The following PNLIPRP1 variants were observed in gnomAD, a reference collection of about 807,000 sequenced individuals.
The protein encoded by PNLIPRP1 is inactive pancreatic lipase-related protein 1.
In PNLIPRP1, 57 loss-of-function variants were observed where a neutral mutation model predicts 54.6. That is an observed-to-expected ratio of 1.04 (90% confidence interval 0.84 to 1.30). The LOEUF (loss-of-function observed/expected upper bound fraction) is 1.30. Ranked by LOEUF, PNLIPRP1 falls within the 50% of genes most tolerant of loss-of-function variation. The pLI is 0.00. For synonymous variants in PNLIPRP1, 232 were observed against 208.8 expected (o/e 1.11, Z -0.96); for missense variants, 567 against 568.5 (o/e 1.00, Z 0.03).
At chr10:116,600,214 C>T (rs782659758) in intron 9 of PNLIPRP1, 49 bp downstream of exon 9, 5 of 1,142,264 alleles carry the variant, frequency 4.4e-6, no homozygotes, top group African/African-American at 1.5e-5. Flanking sequence ...CTCTGAGGGA[C>T]TGCTGTCCTG....
At chr10:116,592,132 C>T (rs1178046015) in intron 3 of PNLIPRP1, 1 of 637,414 alleles carries the variant, frequency 1.6e-6, no homozygotes. Context: ...TTTGCCAGAA[C>T]CTCTAGCTAC....
rs999418123 is a variant in PNLIPRP1, at chr10:116,590,964, G to A, written c.-32G>A. 2.5e-5 allele frequency: 15 copies of A among 593,486 alleles called. No homozygotes were observed. The highest frequency in any genetic ancestry group is 5.6e-5 in the Admixed American group (2 of 35,698). The allele number at this position is 593,486 out of a possible 1,614,324, so 36.8% of individuals were successfully genotyped here. ...TTAGAAAGGGCTGGACACTCGATCC[G>A]GTGGGAGGGAACATCTGGAACATTA... On this transcript the variant is annotated 5_prime_UTR_variant, in exon 1 of 13. Coordinates refer to ENST00000358834, the MANE Select transcript of PNLIPRP1 (RefSeq NM_006229.4).
At chr10:116,606,862 G>C (rs1847943924) in intron 12 of PNLIPRP1, among the ~76,000 whole-genome samples, 1 of 152,172 alleles carries the variant, frequency 6.6e-6, no homozygotes, top group Non-Finnish European at 1.5e-5. Flanking sequence ...GCTCCAGAAA[G>C]ACTCTTTCTT....
At position 116,605,465 on chromosome 10, in the gene PNLIPRP1, T is replaced by C; in HGVS notation, c.1252T>C (p.Phe418Leu). Residue 418 changes from phenylalanine (F) to leucine (L), a missense_variant, in exon 12 of 13, where the codon TTT becomes CTT. Coordinates refer to ENST00000358834, the MANE Select transcript of PNLIPRP1 (RefSeq NM_006229.4). Reference protein sequence around the residue: ...LDVGTIEKVKFLWNNNVINPT... With the variant: ...LDVGTIEKVKLLWNNNVINPT... ...TGTTGGAACAATTGAGAAAGTCAAG[T>C]TTCTTTGGAATAACAATGTGATAAA... 1 of 1,612,154 alleles carries C rather than the reference T, an allele frequency of 6.2e-7. No individual in the cohort carries two copies. Among genetic ancestry groups the C allele is most frequent in the South Asian group, 1.1e-5 (1 of 90,878 alleles).
At chr10:116,600,853 G>T (rs1168317773) in intron 9 of PNLIPRP1, among the ~76,000 whole-genome samples, 2 of 152,204 alleles carry the variant, frequency 1.3e-5, no homozygotes, top group South Asian at 4.1e-4. Context: ...CTGGGCATCA[G>T]TATTTTTTAA....
rs1554863441 is a variant in PNLIPRP1, at chr10:116,592,814, A to T, written c.330+273A>T. 6 of 476,058 alleles carry T rather than the reference A, an allele frequency of 1.3e-5. 1 individual carries two copies. The highest frequency in any genetic ancestry group is 1.1e-4 in the South Asian group (6 of 53,012). 29.5% of individuals were successfully genotyped at this position (476,058 alleles called of 1,614,324 possible). A position where few individuals can be genotyped will look rare whatever the true frequency, so the allele number is the denominator to read the frequency against. ...TTCTGCTTCCATTTGTAGTGAGGGTACTTTGTATCCTATAAGCGAGGGACT... is the reference window on the plus strand; with the variant it reads ...TTCTGCTTCCATTTGTAGTGAGGGTTCTTTGTATCCTATAAGCGAGGGACT... On this transcript the variant is annotated intron_variant, in intron 4 of 12. Coordinates refer to ENST00000358834, the MANE Select transcript of PNLIPRP1 (RefSeq NM_006229.4).
Position 116,609,092 on chromosome 10 carries a change from G to C in PNLIPRP1, c.1380G>C (p.Thr460=). The change falls in exon 13 of 13, where the codon ACG becomes ACC. Residue 460 remains threonine (T), a synonymous_variant. Transcript: ENST00000358834. ...GCGAAGACACAGTGCGGGAAGACAC[G>C]CTGCTCACCCTCACGCCCTGCTAAG... ...FCSEDTVRED[T]LLTLTPC 1 of 1,613,164 alleles carries C rather than the reference G, an allele frequency of 6.2e-7. No individual in the cohort carries two copies. The highest frequency in any genetic ancestry group is 8.5e-7 in the Non-Finnish European group (1 of 1,179,424).
In PNLIPRP1 at chr10:116,597,129, G is replaced by C. The variant is rs963872479; in HGVS notation, c.575-699G>C. Among the ~76,000 whole-genome samples the C allele has an allele frequency of 3.3e-5, 5 of 152,184 alleles. No individual in the cohort carries two copies. In the East Asian group the frequency reaches 9.6e-4, roughly 29 times the overall value. On this transcript the variant is annotated intron_variant, in intron 6 of 12. Coordinates refer to ENST00000358834, the MANE Select transcript of PNLIPRP1 (RefSeq NM_006229.4). ...ATTTTCAGCTGGCAACTACATTCAC[G>C]TTCCTATTTTATCAGCTGCTGTAAT...
intron 4 of PNLIPRP1, among the ~76,000 whole-genome samples, chr10:116,593,580 C>T (rs1847679483): frequency 6.6e-6 from 1 of 152,206 alleles, no homozygotes; most frequent in East Asian, 1.9e-4. Flanking sequence ...CTTTCCTGTC[C>T]TATCATTAAT....
At chr10:116,599,211 T>C (rs1370622713) in intron 8 of PNLIPRP1, among the ~76,000 whole-genome samples, 2 of 144,136 alleles carry the variant, frequency 1.4e-5, no homozygotes, top group African/African-American at 5.0e-5. Flanking sequence ...GCCGAGACCA[T>C]GCCATTGCAC....
chr10:116,596,228 C>G lies in PNLIPRP1; in HGVS notation c.480C>G (p.Tyr160Ter), dbSNP rs567967520. 1 of 1,610,216 alleles carries G rather than the reference C, an allele frequency of 6.2e-7. No homozygotes were observed. The highest frequency in any genetic ancestry group is 1.3e-5 in the African/African-American group (1 of 74,812). Residue 160 changes from tyrosine (Y) to a stop codon, truncating the protein, a stop_gained, in exon 6 of 13, where the codon TAC (tyrosine) becomes TAG (stop). Coordinates refer to ENST00000358834, the MANE Select transcript of PNLIPRP1 (RefSeq NM_006229.4). LOFTEE classifies it high-confidence loss of function. ...TCCCTCTCCAGACAGAGTATAGCTA[C>G]CCCCCTTCCAAAGTTCACCTCATTG... ...MLDILLTEYS[Y>*]PPSKVHLIGH...
At chr10:116,603,001 T>C (rs1847874435) in intron 10 of PNLIPRP1, among the ~76,000 whole-genome samples, 1 of 152,046 alleles carries the variant, frequency 6.6e-6, no homozygotes, top group African/African-American at 2.4e-5. Context: ...CGCACATGCA[T>C]GTTTGTGTAT....
intron 5 of PNLIPRP1, chr10:116,595,969 C>T (rs1395151379): frequency 5.0e-6 from 2 of 397,246 alleles, no homozygotes; most frequent in East Asian, 9.2e-5. Flanking sequence ...ACAAACCAGG[C>T]CCAGAGGTGA....
chr10:116,600,339 C>A, intron 9 of PNLIPRP1, 174 bp downstream of exon 9: 1 of 527,610 alleles, frequency 1.9e-6, no homozygotes, highest in Non-Finnish European at 3.4e-6. Flanking sequence ...CAGGAGATGG[C>A]TAAAATTTTA....
At chr10:116,596,172 C>A (rs1196839422) in intron 5 of PNLIPRP1, 42 bp from the exon 6 acceptor site, 4 of 1,368,466 alleles carry the variant, frequency 2.9e-6, no homozygotes, top group Non-Finnish European at 4.2e-6. Context: ...TTAGAAAAAC[C>A]ACAGCAAAAA....
At chr10:116,591,714 C>T (rs1847640520) in intron 2 of PNLIPRP1, 57 bp from the exon 3 acceptor site, 3 of 1,571,694 alleles carry the variant, frequency 1.9e-6, no homozygotes, top group Non-Finnish European at 2.6e-6. Flanking sequence ...ACAGCAGTGA[C>T]ACCCCAGAGC....
In PNLIPRP1 at chr10:116,591,124, T is replaced by C. The variant is rs782652475; in HGVS notation, c.1-6T>C. On this transcript the variant is annotated splice_region_variant and splice_polypyrimidine_tract_variant and intron_variant, in intron 1 of 12. Coordinates refer to ENST00000358834, the MANE Select transcript of PNLIPRP1 (RefSeq NM_006229.4). ...TGAGACTGAATTATGTTTAAATTTA[T>C]TGTAGATGCTGATCTTCTGGACAAT... is the stretch of plus-strand genomic sequence containing the variant. The C allele has an allele frequency of 3.1e-6, 5 of 1,612,712 alleles. No individual in the cohort carries two copies. The highest frequency in any genetic ancestry group is 3.4e-6 in the Non-Finnish European group (4 of 1,179,248).
chr10:116,594,931 G>A, intron 5 of PNLIPRP1, 67 bp downstream of exon 5: 1 of 1,553,380 alleles, frequency 6.4e-7, no homozygotes. Context: ...TGGTAGAGAT[G>A]CAGCTGAGAG....
intron 12 of PNLIPRP1, among the ~76,000 whole-genome samples, chr10:116,606,376 G>A (rs1430104461): frequency 6.6e-6 from 1 of 152,162 alleles, no homozygotes; most frequent in Non-Finnish European, 1.5e-5. Context: ...AGAACAAAGA[G>A]GTTGGCCCTG....
Sources: allele counts gnomAD v4.1 joint callset (sites outside exome capture counted in the v4.1 genomes callset), GRCh38; gene constraint gnomAD v4.1.1; transcripts MANE v1.5; gene names NCBI Gene and HGNC (gene_info 2026-07-23, HGNC 2026-07-21).